GRIK2: variants seen among roughly 807,000 people sequenced by gnomAD.
GRIK2 encodes the protein glutamate ionotropic receptor kainate type subunit 2.
Under a neutral mutation model 100.3 loss-of-function variants are expected in GRIK2, and 32 were observed. The observed-to-expected ratio is 0.32, with a 90% CI of 0.24 to 0.43. The LOEUF (loss-of-function observed/expected upper bound fraction) is 0.43, where lower values mean the gene tolerates loss of function less well. GRIK2 is among the 20% of genes least tolerant of loss of function. The probability of loss-of-function intolerance (pLI) is 1.00; values close to 1 mark genes in which losing one functional copy is unlikely to be tolerated. For missense variants in GRIK2, 843 were observed against 1,114.9 expected (o/e 0.76, Z 3.47); for synonymous variants, 417 against 389.4 (o/e 1.07, Z -0.83).
chr6:101,621,863 A>G (rs1444332801), intron 2 of GRIK2, 86 bp from the exon 3 acceptor site: 1 of 898,060 alleles, frequency 1.1e-6, no homozygotes, highest in Non-Finnish European at 1.8e-6. Flanking sequence ...ATATAAAAGT[A>G]CAGAAAACTT....
In GRIK2 at chr6:101,803,293, T is replaced by C. The variant is rs114537955; in HGVS notation, c.1203+855T>C. On this transcript the variant is annotated intron_variant, in intron 9 of 16. Coordinates refer to ENST00000369134, the MANE Select transcript of GRIK2 (RefSeq NM_021956.5). ...GGAAAGCTGAGACCTACGAAGGGCT[T>C]TCTTAGTCTGGAAGATAACAGCATA... Among the ~76,000 whole-genome samples the C allele has an allele frequency of 3.8e-3, 584 of 151,896 alleles. 4 individuals carry two copies. Among genetic ancestry groups the C allele is most frequent in the African/African-American group, 0.013 (548 of 41,490 alleles).
At position 101,990,298 on chromosome 6, in the gene GRIK2, A is replaced by G. The variant is rs970498690; in HGVS notation, c.2086-45043A>G. Among the ~76,000 whole-genome samples, 4 of 151,732 alleles carry G rather than the reference A, an allele frequency of 2.6e-5. No homozygotes were observed. The Admixed American group carries it at 2.6e-4, about 10-fold the overall frequency. ...TTCCTATTATCCACATTCACATTTA[A>G]GCATAAAGAAGTTAAGGTTTATGGG... On this transcript the variant is annotated intron_variant, in intron 14 of 16. Transcript: ENST00000369134.
intron 2 of GRIK2, among the ~76,000 whole-genome samples, chr6:101,481,546 T>C (rs1212593849): frequency 6.6e-6 from 1 of 152,234 alleles, no homozygotes; most frequent in Non-Finnish European, 1.5e-5. Flanking sequence ...AGTTAAAGTT[T>C]GTATTTATTT....
At chr6:101,762,654 C>T (rs777932047) in intron 7 of GRIK2, among the ~76,000 whole-genome samples, 13 of 152,244 alleles carry the variant, frequency 8.5e-5, no homozygotes, top group Middle Eastern at 3.4e-3. Context: ...CCAACATTTG[C>T]CTGGTCTAGT....
intron 2 of GRIK2, among the ~76,000 whole-genome samples, chr6:101,443,866 T>C (rs74505387): frequency 0.041 from 6,238 of 152,002 alleles, 204 homozygotes; most frequent in Middle Eastern, 0.065. Context: ...TTTATTCTTA[T>C]TTTAAAATTT....
intron 7 of GRIK2, among the ~76,000 whole-genome samples, chr6:101,782,124 C>T (rs1367627951): frequency 6.6e-6 from 1 of 152,144 alleles, no homozygotes; most frequent in Non-Finnish European, 1.5e-5. Context: ...TTAGGATATT[C>T]ACTACTTCTA....
In GRIK2 at chr6:101,475,389, T is replaced by C. The variant is rs114466056; in HGVS notation, c.115+75997T>C. The stretch of plus-strand genomic sequence containing the variant: ...TGGATAAAAATATATATTAACATTG[T>C]ACATGAAATGTATTGGAGAGGATGT... On this transcript the variant is annotated intron_variant, in intron 2 of 16. Coordinates refer to ENST00000369134, the MANE Select transcript of GRIK2 (RefSeq NM_021956.5). 7.8e-3 allele frequency among the ~76,000 whole-genome samples: 1,192 copies of C among 152,136 alleles called. 22 individuals carry two copies. Among genetic ancestry groups the C allele is most frequent in the African/African-American group, 0.027 (1,130 of 41,550 alleles).
At chr6:101,936,563 C>T (rs905069716) in intron 14 of GRIK2, among the ~76,000 whole-genome samples, 1 of 151,986 alleles carries the variant, frequency 6.6e-6, no homozygotes, top group Non-Finnish European at 1.5e-5. Context: ...TCTCCCTCCC[C>T]CTTTCCTCAT....
intron 2 of GRIK2, among the ~76,000 whole-genome samples, chr6:101,500,896 A>T (rs1773712720): frequency 6.6e-6 from 1 of 151,978 alleles, no homozygotes; most frequent in Admixed American, 6.6e-5. Flanking sequence ...AGTTATTCCA[A>T]ATGTTTAGTT....
intron 2 of GRIK2, among the ~76,000 whole-genome samples, chr6:101,608,308 G>A (rs536765492): frequency 9.9e-5 from 15 of 151,736 alleles, no homozygotes; most frequent in African/African-American, 3.1e-4. Flanking sequence ...GCATTTTAAC[G>A]ATTGCACAGT....
At chr6:101,414,395 T>C (rs1776017168) in intron 2 of GRIK2, among the ~76,000 whole-genome samples, 1 of 152,226 alleles carries the variant, frequency 6.6e-6, no homozygotes, top group African/African-American at 2.4e-5. Context: ...TGATTATATA[T>C]ATGAAATTAT....
chr6:101,879,238 A>G (rs555829928), intron 11 of GRIK2, among the ~76,000 whole-genome samples: 2 of 152,188 alleles, frequency 1.3e-5, no homozygotes, highest in East Asian at 3.9e-4. Context: ...AGAAAGACAA[A>G]GTGGAATGTA....
chr6:101,932,880 G>A (rs1790376188), intron 14 of GRIK2, among the ~76,000 whole-genome samples: 1 of 151,844 alleles, frequency 6.6e-6, no homozygotes, highest in Non-Finnish European at 1.5e-5. Flanking sequence ...GAGAGCCCAA[G>A]TTTCTACATT....
chr6:102,029,465 C>A (rs1769872119), intron 14 of GRIK2, among the ~76,000 whole-genome samples: 2 of 151,234 alleles, frequency 1.3e-5, no homozygotes, highest in African/African-American at 2.4e-5. Flanking sequence ...CATCACTGAT[C>A]CTAAGTGCAT....
intron 7 of GRIK2, among the ~76,000 whole-genome samples, chr6:101,718,115 A>G (rs950483344): frequency 2.0e-5 from 3 of 151,830 alleles, no homozygotes; most frequent in African/African-American, 7.2e-5. Context: ...ATTCATTAAA[A>G]TGTAATAAAA....
intron 7 of GRIK2, among the ~76,000 whole-genome samples, chr6:101,784,015 CA>C (rs1779268144): frequency 6.6e-6 from 1 of 152,126 alleles, no homozygotes. Flanking sequence ...GCAACTTGAC[CA>C]TGTGGTAGAA....
At chr6:101,600,280 C>T (rs1044776238) in intron 2 of GRIK2, among the ~76,000 whole-genome samples, 1 of 151,752 alleles carries the variant, frequency 6.6e-6, no homozygotes, top group Non-Finnish European at 1.5e-5. Context: ...TGTTCCAGTA[C>T]CATGCTCTTT....
intron 4 of GRIK2, among the ~76,000 whole-genome samples, chr6:101,641,059 A>G (rs962936401): frequency 6.6e-6 from 1 of 152,144 alleles, no homozygotes; most frequent in African/African-American, 2.4e-5. Flanking sequence ...TGTCCTTAAG[A>G]GTATTCAAAA....
intron 15 of GRIK2, among the ~76,000 whole-genome samples, chr6:102,043,755 A>ATCTT (rs1327844600): frequency 2.9e-5 from 2 of 69,468 alleles, no homozygotes; most frequent in African/African-American, 8.2e-5. Flanking sequence ...CTGATTTCAA[A>ATCTT]TCTTTTGAGT....
Sources: allele counts gnomAD v4.1 joint callset (sites outside exome capture counted in the v4.1 genomes callset), GRCh38; gene constraint gnomAD v4.1.1; transcripts MANE v1.5; gene names NCBI Gene and HGNC (gene_info 2026-07-23, HGNC 2026-07-21).